NLRP8: variants seen among roughly 807,000 people sequenced by gnomAD.
NLRP8 encodes NACHT, LRR and PYD domains-containing protein 8.
A neutral mutation model predicts 88.7 loss-of-function variants in NLRP8; 86 were observed. That is an observed-to-expected ratio of 0.97 (90% CI 0.81 to 1.16). NLRP8 has a LOEUF of 1.16. Among genes scored for constraint, NLRP8 ranks in the 50% most tolerant of loss-of-function variants. The probability of loss-of-function intolerance (pLI) is 0.00; values close to 1 mark genes in which losing one functional copy is unlikely to be tolerated. For missense variants in NLRP8, 1,342 were observed against 1,286.5 expected (o/e 1.04, Z -0.66); for synonymous variants, 504 against 494.6 (o/e 1.02, Z -0.25).
At chr19:55,956,437 T>C (rs1979360691) in intron 3 of NLRP8, among the ~76,000 whole-genome samples, 2 of 151,908 alleles carry the variant, frequency 1.3e-5, no homozygotes, top group Admixed American at 1.3e-4. Flanking sequence ...AGAGATGGGG[T>C]TTCACCATGT....
chr19:55,962,236 C>T lies in NLRP8; in HGVS notation c.2212C>T (p.Leu738Phe), dbSNP rs779500026. 5 of 1,612,318 alleles carry T rather than the reference C, an allele frequency of 3.1e-6. No individual in the cohort carries two copies. In the African/African-American group the frequency reaches 5.3e-5, roughly 17 times the overall value. ...CCCTCAGTGCAAACTGCAAAAGCTA[C>T]TGTGAGTATAACACAAATCCCACTG... Residue 738 changes from leucine to phenylalanine, a missense_variant and splice_region_variant, in exon 4 of 10, where the codon CTC becomes TTC. Coordinates refer to ENST00000291971, the MANE Select transcript of NLRP8 (RefSeq NM_176811.2).
intron 3 of NLRP8, among the ~76,000 whole-genome samples, chr19:55,960,216 C>T (rs762446310): frequency 4.6e-5 from 7 of 152,218 alleles, no homozygotes; most frequent in African/African-American, 9.6e-5. Flanking sequence ...CCCACTCAGT[C>T]GGTGCTGAAA....
intron 9 of NLRP8, among the ~76,000 whole-genome samples, chr19:55,986,460 ACACTCT>A (rs1468918572): frequency 1.5e-5 from 1 of 66,524 alleles, no homozygotes; most frequent in African/African-American, 6.6e-5. Flanking sequence ...TCTCACACAC[ACACTCT>A]CTCACATACA....
intron 7 of NLRP8, 48 bp from the exon 8 acceptor site, chr19:55,976,085 T>C (rs575437351): frequency 1.4e-6 from 2 of 1,453,676 alleles, no homozygotes; most frequent in East Asian, 2.5e-5. Context: ...TGTTGTTGTT[T>C]TGTTGTAGTT....
intron 4 of NLRP8, among the ~76,000 whole-genome samples, chr19:55,962,984 T>G (rs1421283470): frequency 6.6e-6 from 1 of 152,106 alleles, no homozygotes; most frequent in Non-Finnish European, 1.5e-5. Flanking sequence ...GGTTCACCGC[T>G]GCATTCCTTT....
intron 5 of NLRP8, among the ~76,000 whole-genome samples, chr19:55,968,268 G>A (rs758029589): frequency 1.1e-4 from 16 of 151,734 alleles, no homozygotes; most frequent in East Asian, 1.9e-4. Flanking sequence ...GCAAAACCCC[G>A]TCTCTACGAA....
intron 9 of NLRP8, among the ~76,000 whole-genome samples, chr19:55,980,579 G>A (rs879162704): frequency 6.6e-6 from 1 of 151,688 alleles, no homozygotes; most frequent in Non-Finnish European, 1.5e-5. Flanking sequence ...TTGTGTGGCT[G>A]TGGGCGGCGG....
At position 55,988,434 on chromosome 19, in the gene NLRP8, ATGTGTGTGTG is replaced by A. The variant is rs35488951; in HGVS notation, c.*523_*532del. The A allele has an allele frequency of 2.4e-5, 3 of 127,020 alleles. No individual in the cohort carries two copies. Among genetic ancestry groups the A allele is most frequent in the African/African-American group, 9.4e-5 (3 of 31,754 alleles). The allele number at this position is 127,020 out of a possible 1,614,324, so 7.9% of individuals were successfully genotyped here. ...AATACATATACACATAAATATATAT[ATGTGTGTGTG>A]TATATATATATATATATATATATAT... is the stretch of plus-strand genomic sequence containing the variant. On this transcript the variant is annotated 3_prime_UTR_variant, in exon 10 of 10. Transcript: ENST00000291971.
chr19:55,966,452 G>A, intron 5 of NLRP8, 72 bp downstream of exon 5: 10 of 1,408,038 alleles, frequency 7.1e-6, no homozygotes, highest in Non-Finnish European at 9.9e-6. Context: ...GGTGATGAGA[G>A]GCTCAGTTTC....
Position 55,973,800 on chromosome 19 carries a change from A to G in NLRP8, c.2683A>G (p.Arg895Gly), listed in dbSNP as rs1284766903. The G allele has an allele frequency of 6.2e-7, 1 of 1,613,660 alleles. No homozygotes were observed. The highest frequency in any genetic ancestry group is 1.3e-5 in the African/African-American group (1 of 74,920). Reference sequence around the variant, plus strand: ...TATTTGGAATGCCCTGCCACACCTGAGATGTCCTCTGCAGAGGCTGGTGTA... The same window carrying G: ...TATTTGGAATGCCCTGCCACACCTGGGATGTCCTCTGCAGAGGCTGGTGTA... The change falls in exon 7 of 10, where the codon AGA (arginine) becomes GGA (glycine). Residue 895 changes from arginine to glycine, a missense_variant. Coordinates refer to ENST00000291971, the MANE Select transcript of NLRP8 (RefSeq NM_176811.2).
Position 55,966,563 on chromosome 19 carries a change from G to A in NLRP8, c.2381+183G>A, listed in dbSNP as rs1798821715. Among the ~76,000 whole-genome samples the A allele has an allele frequency of 1.3e-5, 2 of 152,154 alleles. 1 individual carries two copies. Among genetic ancestry groups the A allele is most frequent in the South Asian group, 4.1e-4 (2 of 4,824 alleles). Reference sequence around the variant, plus strand: ...CACGACTGTAATCCCAGCACTTTGGGAGGCTGAGGCGGGAGGATCACGAGG... The same window carrying A: ...CACGACTGTAATCCCAGCACTTTGGAAGGCTGAGGCGGGAGGATCACGAGG... On this transcript the variant is annotated intron_variant, in intron 5 of 9. Transcript: ENST00000291971.
In NLRP8 at chr19:55,972,065, G is replaced by A. The variant is rs186333815; in HGVS notation, c.2534+1369G>A. On this transcript the variant is annotated intron_variant, in intron 6 of 9. Transcript: ENST00000291971. ...CTTGTCTGCTATTTATTCTTTGATGGTCTCTTTCTCTTCTCTCTTAATCCC... is the reference window on the plus strand; with the variant it reads ...CTTGTCTGCTATTTATTCTTTGATGATCTCTTTCTCTTCTCTCTTAATCCC... Among the ~76,000 whole-genome samples, 3 of 150,738 alleles carry A rather than the reference G, an allele frequency of 2.0e-5. No individual in the cohort carries two copies. In the East Asian group the frequency reaches 5.8e-4, roughly 29 times the overall value.
intron 4 of NLRP8, among the ~76,000 whole-genome samples, chr19:55,965,909 G>C (rs1600306202): frequency 1.4e-5 from 2 of 147,936 alleles, no homozygotes; most frequent in Middle Eastern, 7.0e-3. Flanking sequence ...TGCGGTGTTT[G>C]GTTTTCTGTG....
rs770057007 is a variant in NLRP8, at chr19:55,954,645, A to G, written c.587A>G (p.Lys196Arg). Residue 196 changes from lysine to arginine, a missense_variant, in exon 3 of 10, where the codon AAA (lysine) becomes AGA (arginine). By Grantham distance (26) the Lys-to-Arg change is conservative. Transcript: ENST00000291971. ...TACTTACCATGTCTGCTTCTGCCCAAAAGACCCCAGGGTAGACAGCCCAAG... is the reference window on the plus strand; with the variant it reads ...TACTTACCATGTCTGCTTCTGCCCAGAAGACCCCAGGGTAGACAGCCCAAG... The G allele has an allele frequency of 3.7e-6, 6 of 1,614,166 alleles. No individual in the cohort carries two copies. Among genetic ancestry groups the G allele is most frequent in the Middle Eastern group, 1.6e-4 (1 of 6,062 alleles).
intron 9 of NLRP8, among the ~76,000 whole-genome samples, chr19:55,985,888 C>T (rs1249841463): frequency 3.9e-5 from 6 of 152,200 alleles, no homozygotes; most frequent in Admixed American, 3.9e-4. Context: ...TGGTGGTACA[C>T]ACCTGTAGTC....
At position 55,973,706 on chromosome 19, in the gene NLRP8, C is replaced by T. The variant is rs768826096; in HGVS notation, c.2589C>T (p.Leu863=). The change falls in exon 7 of 10, where the codon CTC becomes CTT. Residue 863 remains leucine, a synonymous_variant. Transcript: ENST00000291971. ...CTTGTGAAAGCCTTGCCTCCTGTCT[C>T]AGGCAGAGTAAGATGCTGACCCACC... is the stretch of plus-strand genomic sequence containing the variant. 3.1e-6 allele frequency: 5 copies of T among 1,613,954 alleles called. No individual in the cohort carries two copies. Among genetic ancestry groups the T allele is most frequent in the South Asian group, 1.1e-5 (1 of 91,002 alleles).
Position 55,952,586 on chromosome 19 carries a change from A to T in NLRP8, c.416A>T (p.Gln139Leu). ...GAGGACTTGAATGTGGGAGAAACAC[A>T]GGTGAATCTGGAGGAAGGAGAATCT... Residue 139 changes from glutamine (Q) to leucine (L), a missense_variant, in exon 2 of 10, where the codon CAG becomes CTG. Transcript: ENST00000291971. 2.5e-6 allele frequency: 4 copies of T among 1,614,042 alleles called. No individual in the cohort carries two copies. The highest frequency in any genetic ancestry group is 3.4e-6 in the Non-Finnish European group (4 of 1,179,916).
At chr19:55,979,599 CCA>C (rs1176474490) in intron 9 of NLRP8, 35 bp downstream of exon 9, 6 of 1,610,778 alleles carry the variant, frequency 3.7e-6, no homozygotes, top group Non-Finnish European at 5.1e-6. Flanking sequence ...GCAAAACCTA[CCA>C]CACAAGAGAA....
At chr19:55,975,781 G>A (rs1157695681) in intron 7 of NLRP8, among the ~76,000 whole-genome samples, 1 of 152,128 alleles carries the variant, frequency 6.6e-6, no homozygotes, top group Admixed American at 6.5e-5. Flanking sequence ...GTGGGTTGGG[G>A]GAGGAAGTGA....
Sources: allele counts gnomAD v4.1 joint callset (sites outside exome capture counted in the v4.1 genomes callset), GRCh38; gene constraint gnomAD v4.1.1; transcripts MANE v1.5; gene names NCBI Gene and HGNC (gene_info 2026-07-23, HGNC 2026-07-21).